The following LSAMP variants were observed in gnomAD, a reference collection of about 807,000 sequenced individuals.
LSAMP encodes limbic system associated membrane protein, also known as limbic system-associated membrane protein.
In LSAMP, 7 loss-of-function variants were observed where a neutral mutation model predicts 38.6. The observed-to-expected ratio is 0.18, with a 90% CI of 0.10 to 0.34. LSAMP has a LOEUF of 0.34. LSAMP is among the 10% of genes least tolerant of loss of function. LSAMP has a pLI of 1.00. For synonymous variants in LSAMP, 154 were observed against 166.8 expected, an observed-to-expected ratio of 0.92 and a Z score of 0.59; for missense variants, 313 against 420.0, an observed-to-expected ratio of 0.75 and a Z score of 2.23.
At chr3:116,231,394 G>A (rs1380693909) in intron 1 of LSAMP, among the ~76,000 whole-genome samples, 1 of 152,068 alleles carries the variant, frequency 6.6e-6, no homozygotes, top group Non-Finnish European at 1.5e-5. Flanking sequence ...TCCGAATTTT[G>A]CTTCCAATTT....
chr3:116,340,504 A>T (rs2047978159), intron 1 of LSAMP, among the ~76,000 whole-genome samples: 2 of 151,982 alleles, frequency 1.3e-5, no homozygotes, highest in African/African-American at 4.8e-5. Context: ...TTCCCAACAT[A>T]TTCCTTAAAC....
rs1473214598 is a variant in LSAMP at position 116,075,426 on chromosome 3, G to A, written c.388+10898C>T. ...GCTGGGATTACAGGCGTGAGCCACA[G>A]CACCTGGCCTTTTTTCATTTCTTAA... is the stretch of plus-strand genomic sequence containing the variant. On this transcript the variant is annotated intron_variant, in intron 2 of 6. Transcript: ENST00000490035. Among the ~76,000 whole-genome samples the A allele has an allele frequency of 2.0e-5, 3 of 151,936 alleles. No homozygotes were observed. In the East Asian group the frequency reaches 5.8e-4, roughly 29 times the overall value.
At chr3:115,961,514 C>T (rs933348325) in intron 3 of LSAMP, among the ~76,000 whole-genome samples, 1 of 152,210 alleles carries the variant, frequency 6.6e-6, no homozygotes, top group African/African-American at 2.4e-5. Context: ...GTGTATGTCA[C>T]CACTAGGGAA....
intron 1 of LSAMP, among the ~76,000 whole-genome samples, chr3:116,092,803 AC>A (rs1437166502): frequency 2.0e-5 from 3 of 152,218 alleles, no homozygotes; most frequent in Admixed American, 2.0e-4. Flanking sequence ...CCAACAGATT[AC>A]TTAATAGCAT....
intron 1 of LSAMP, among the ~76,000 whole-genome samples, chr3:116,425,132 A>G (rs752891396): frequency 6.6e-6 from 1 of 152,170 alleles, no homozygotes; most frequent in Non-Finnish European, 1.5e-5. Flanking sequence ...AGGAAATGCA[A>G]TTATCACCCA....
intron 1 of LSAMP, among the ~76,000 whole-genome samples, chr3:116,353,531 T>A (rs1464010359): frequency 6.6e-6 from 1 of 152,040 alleles, no homozygotes; most frequent in Non-Finnish European, 1.5e-5. Context: ...CTCTACATCC[T>A]CCTACCCAGA....
intron 1 of LSAMP, among the ~76,000 whole-genome samples, chr3:116,204,331 C>A (rs1398159349): frequency 1.3e-5 from 2 of 151,632 alleles, no homozygotes; most frequent in Non-Finnish European, 2.9e-5. Flanking sequence ...GTTGCGAAAA[C>A]TTTCTCCCAT....
intron 1 of LSAMP, among the ~76,000 whole-genome samples, chr3:116,395,501 T>C (rs182219996): frequency 1.2e-4 from 19 of 152,340 alleles, no homozygotes; most frequent in Non-Finnish European, 2.4e-4. Context: ...GAAGTCCGGC[T>C]GTCTGGGTGC....
intron 3 of LSAMP, among the ~76,000 whole-genome samples, chr3:115,855,608 C>T (rs929821182): frequency 1.3e-5 from 2 of 152,146 alleles, no homozygotes; most frequent in Non-Finnish European, 2.9e-5. Context: ...AGGTGCAAAC[C>T]AACTATCGGC....
At chr3:116,172,928 A>G (rs1212344768) in intron 1 of LSAMP, among the ~76,000 whole-genome samples, 2 of 152,000 alleles carry the variant, frequency 1.3e-5, no homozygotes, top group Non-Finnish European at 2.9e-5. Context: ...CTACTGGGAA[A>G]GAGGATGGGA....
intron 2 of LSAMP, among the ~76,000 whole-genome samples, chr3:116,029,848 G>A (rs1181072109): frequency 6.6e-6 from 1 of 151,942 alleles, no homozygotes; most frequent in Non-Finnish European, 1.5e-5. Context: ...ACTCTTTTGG[G>A]CCTTTGAGCC....
intron 3 of LSAMP, among the ~76,000 whole-genome samples, chr3:115,906,705 G>T (rs991736122): frequency 6.6e-6 from 1 of 152,140 alleles, no homozygotes; most frequent in Non-Finnish European, 1.5e-5. Context: ...TCTACAAAGC[G>T]TTTGGCACAG....
chr3:116,403,806 A>AG (rs796557178), intron 1 of LSAMP, among the ~76,000 whole-genome samples: 73 of 151,792 alleles, frequency 4.8e-4, no homozygotes, highest in Middle Eastern at 6.9e-3. Context: ...GTTGGAGTGC[A>AG]GGGGGGGTGA....
intron 3 of LSAMP, among the ~76,000 whole-genome samples, chr3:115,921,180 T>C (rs572082615): frequency 6.6e-6 from 1 of 152,252 alleles, no homozygotes; most frequent in South Asian, 2.1e-4. Context: ...GAGTGGTGAA[T>C]TTAATTAATT....
chr3:116,045,640 TA>T, intron 2 of LSAMP, among the ~76,000 whole-genome samples: 1 of 151,770 alleles, frequency 6.6e-6, no homozygotes, highest in Non-Finnish European at 1.5e-5. Flanking sequence ...CCCTGTTTTA[TA>T]AAAAGTGAGA....
intron 1 of LSAMP, among the ~76,000 whole-genome samples, chr3:116,356,820 G>A (rs1346368003): frequency 6.6e-6 from 1 of 152,002 alleles, no homozygotes; most frequent in Non-Finnish European, 1.5e-5. Flanking sequence ...TTGAGACGGA[G>A]TCTCGCTCTG....
rs184015206 is a variant in LSAMP at position 116,372,933 on chromosome 3, G to A, written c.155+71944C>T. 2.6e-3 allele frequency among the ~76,000 whole-genome samples: 391 copies of A among 150,084 alleles called. 2 individuals carry two copies. Among genetic ancestry groups the A allele is most frequent in the Non-Finnish European group, 4.8e-3 (324 of 67,380 alleles). ...AAATAAATTAAAACAATTTTGCACCGGTGGTAGGAATGTAAAATGGTACAG... is the reference window on the plus strand; with the variant it reads ...AAATAAATTAAAACAATTTTGCACCAGTGGTAGGAATGTAAAATGGTACAG... On this transcript the variant is annotated intron_variant, in intron 1 of 6. Transcript: ENST00000490035.
At chr3:116,424,166 C>T (rs939188722) in intron 1 of LSAMP, among the ~76,000 whole-genome samples, 7 of 152,204 alleles carry the variant, frequency 4.6e-5, no homozygotes, top group Admixed American at 2.6e-4. Context: ...GAATAATGTG[C>T]ATGTCCTCCT....
At chr3:115,984,291 T>C (rs1939449017) in intron 3 of LSAMP, among the ~76,000 whole-genome samples, 1 of 152,192 alleles carries the variant, frequency 6.6e-6, no homozygotes, top group Admixed American at 6.5e-5. Context: ...TTCTGCATAT[T>C]AAAATCGTTT....
Sources: allele counts gnomAD v4.1 joint callset (sites outside exome capture counted in the v4.1 genomes callset), GRCh38; gene constraint gnomAD v4.1.1; transcripts MANE v1.5; gene names NCBI Gene and HGNC (gene_info 2026-07-23, HGNC 2026-07-21).